Variants in GRID2 observed in about 807,000 individuals in gnomAD.
The protein encoded by GRID2 is glutamate ionotropic receptor delta type subunit 2, also known as glutamate receptor ionotropic, delta-2.
GRID2 carries 33 observed loss-of-function variants against 114.8 expected under a neutral mutation model. That is an observed-to-expected ratio of 0.29 (90% CI 0.22 to 0.38). The LOEUF (loss-of-function observed/expected upper bound fraction) is 0.38, where lower values mean the gene tolerates loss of function less well. GRID2 is among the 10% of genes least tolerant of loss of function. GRID2 has a pLI of 1.00. For missense variants in GRID2, 1,184 were observed against 1,257.7 expected (o/e 0.94, Z 0.89); for synonymous variants, 505 against 449.9 (o/e 1.12, Z -1.55).
intron 2 of GRID2, among the ~76,000 whole-genome samples, chr4:92,698,303 C>A (rs1734516142): frequency 1.3e-5 from 2 of 152,056 alleles, no homozygotes; most frequent in African/African-American, 4.8e-5. Context: ...GAAGTAAAGT[C>A]CACTAAAGCA....
At chr4:93,140,182 T>C (rs1164350837) in intron 4 of GRID2, among the ~76,000 whole-genome samples, 1 of 132,482 alleles carries the variant, frequency 7.5e-6, no homozygotes, top group African/African-American at 2.9e-5. Context: ...TTTTTGAGAC[T>C]GAGTCTCACT....
chr4:93,684,117 A>G (rs969235613), intron 14 of GRID2, among the ~76,000 whole-genome samples: 3 of 152,182 alleles, frequency 2.0e-5, no homozygotes, highest in African/African-American at 7.2e-5. Flanking sequence ...AGAATAAAAT[A>G]AATTCAAATG....
intron 14 of GRID2, among the ~76,000 whole-genome samples, chr4:93,764,935 G>A (rs1191302132): frequency 6.6e-6 from 1 of 151,686 alleles, no homozygotes; most frequent in Non-Finnish European, 1.5e-5. Context: ...TCATACATAC[G>A]CGCACACACA....
At chr4:93,593,365 G>C (rs372834838) in intron 13 of GRID2, among the ~76,000 whole-genome samples, 1 of 136,308 alleles carries the variant, frequency 7.3e-6, no homozygotes, top group African/African-American at 2.8e-5. Flanking sequence ...TTTTCTTTAA[G>C]AATGTTGAAT....
At chr4:92,635,137 C>T (rs1731006163) in intron 2 of GRID2, among the ~76,000 whole-genome samples, 1 of 151,986 alleles carries the variant, frequency 6.6e-6, no homozygotes, top group Non-Finnish European at 1.5e-5. Flanking sequence ...GCCAAAGTTT[C>T]CAGACATAAA....
chr4:92,732,447 C>A (rs1163812080), intron 2 of GRID2, among the ~76,000 whole-genome samples: 1 of 151,916 alleles, frequency 6.6e-6, no homozygotes, highest in African/African-American at 2.4e-5. Context: ...CACCTGCATT[C>A]AAAGAACTCC....
At chr4:92,891,404 C>T (rs1196112719) in intron 2 of GRID2, among the ~76,000 whole-genome samples, 1 of 152,130 alleles carries the variant, frequency 6.6e-6, no homozygotes, top group Admixed American at 6.5e-5. Context: ...TCTCCAGATA[C>T]AAATAGCAGA....
intron 2 of GRID2, among the ~76,000 whole-genome samples, chr4:92,878,865 G>A (rs1745805829): frequency 6.6e-6 from 1 of 152,056 alleles, no homozygotes; most frequent in African/African-American, 2.4e-5. Context: ...GAGTTCAAAT[G>A]AGGATGAAAT....
intron 2 of GRID2, among the ~76,000 whole-genome samples, chr4:92,810,045 A>G (rs912000780): frequency 2.6e-5 from 4 of 152,038 alleles, no homozygotes; most frequent in Admixed American, 6.6e-5. Context: ...ACATAATTTC[A>G]ATTAGATATA....
At chr4:93,362,184 C>T (rs1000345012) in intron 8 of GRID2, among the ~76,000 whole-genome samples, 2 of 152,060 alleles carry the variant, frequency 1.3e-5, no homozygotes, top group African/African-American at 4.8e-5. Flanking sequence ...TAACTTTTCT[C>T]GATACTAGAT....
intron 1 of GRID2, among the ~76,000 whole-genome samples, chr4:92,457,052 G>A (rs1304162976): frequency 6.6e-6 from 1 of 151,954 alleles, no homozygotes; most frequent in Non-Finnish European, 1.5e-5. Context: ...CCTTACAACT[G>A]GCATGAGCTT....
At chr4:92,349,435 A>G (rs1034430329) in intron 1 of GRID2, among the ~76,000 whole-genome samples, 1 of 151,882 alleles carries the variant, frequency 6.6e-6, no homozygotes, top group African/African-American at 2.4e-5. Context: ...TTAACTATAC[A>G]TATTGGTAAA....
chr4:92,832,495 G>A (rs1480610844), intron 2 of GRID2, among the ~76,000 whole-genome samples: 4 of 151,740 alleles, frequency 2.6e-5, no homozygotes, highest in African/African-American at 9.7e-5. Flanking sequence ...CCGGGTTCAA[G>A]CTATTCTTCT....
At chr4:93,140,340 A>C (rs1376194358) in intron 4 of GRID2, among the ~76,000 whole-genome samples, 1 of 151,760 alleles carries the variant, frequency 6.6e-6, no homozygotes, top group African/African-American at 2.4e-5. Flanking sequence ...TTGTATTTTT[A>C]GTAGAGACGG....
At position 92,687,753 on chromosome 4, in the gene GRID2, C is replaced by T. The variant is rs542733228; in HGVS notation, c.244+97467C>T. 6.5e-4 allele frequency among the ~76,000 whole-genome samples: 99 copies of T among 152,106 alleles called. 1 individual carries two copies. Among genetic ancestry groups the T allele is most frequent in the Non-Finnish European group, 8.7e-4 (59 of 68,008 alleles). On this transcript the variant is annotated intron_variant, in intron 2 of 15. Transcript: ENST00000282020. ...CTGAGGCAGAAGAATCACTTGAACC[C>T]AGGAGGCGGAGCTTGCAGTGAGCCA...
intron 12 of GRID2, among the ~76,000 whole-genome samples, chr4:93,510,204 C>G (rs555971829): frequency 5.3e-5 from 8 of 152,180 alleles, no homozygotes; most frequent in Non-Finnish European, 1.2e-4. Flanking sequence ...TTGTTCCACC[C>G]CATAGAAAAT....
At chr4:93,215,587 A>C (rs556808680) in intron 5 of GRID2, among the ~76,000 whole-genome samples, 1 of 152,196 alleles carries the variant, frequency 6.6e-6, no homozygotes, top group Middle Eastern at 3.4e-3. Flanking sequence ...TTAAGGATTG[A>C]TTAAATGCCC....
chr4:92,446,050 A>G (rs62312214), intron 1 of GRID2, among the ~76,000 whole-genome samples: 3,262 of 152,200 alleles, frequency 0.021, 56 homozygotes, highest in Non-Finnish European at 0.034. Flanking sequence ...GGTTCAAGCG[A>G]TTCTCATGCC....
intron 2 of GRID2, among the ~76,000 whole-genome samples, chr4:92,890,486 A>G (rs980167137): frequency 4.6e-5 from 7 of 152,180 alleles, no homozygotes; most frequent in Admixed American, 2.0e-4. Context: ...GAAGATATTT[A>G]TGTGGCCAAA....
Sources: gnomAD v4.1 joint callset for allele counts (sites outside exome capture counted in the v4.1 genomes callset) on GRCh38, gnomAD v4.1.1 for gene constraint, MANE v1.5 for transcripts, NCBI Gene and HGNC (gene_info 2026-07-23, HGNC 2026-07-21) for gene names.